The following HDAC9 variants were observed in gnomAD, a reference collection of about 807,000 sequenced individuals.
HDAC9 encodes histone deacetylase 9.
HDAC9 carries 41 observed loss-of-function variants against 139.4 expected under a neutral mutation model. The ratio of observed to expected loss-of-function variants is 0.29; its 90% CI spans 0.23 to 0.38. The LOEUF is 0.38. HDAC9 is among the 10% of genes least tolerant of loss of function. The probability of loss-of-function intolerance (pLI) is 1.00; values close to 1 mark genes in which losing one functional copy is unlikely to be tolerated. For missense variants in HDAC9, 1,147 were observed against 1,297.0 expected, an observed-to-expected ratio of 0.88 and a Z score of 1.78; for synonymous variants, 517 against 476.2, an observed-to-expected ratio of 1.09 and a Z score of -1.12.
At chr7:18,971,185 C>T (rs1784222127) in intron 24 of HDAC9, among the ~76,000 whole-genome samples, 1 of 151,812 alleles carries the variant, frequency 6.6e-6, no homozygotes, top group Non-Finnish European at 1.5e-5. Flanking sequence ...GTTACTTTTG[C>T]CAGAAAAAAA....
intron 1 of HDAC9, among the ~76,000 whole-genome samples, chr7:18,096,011 C>A (rs1430321690): frequency 6.6e-6 from 1 of 152,092 alleles, no homozygotes; most frequent in Non-Finnish European, 1.5e-5. Flanking sequence ...GATCAAAATT[C>A]CTCAAATAAT....
chr7:18,923,511 T>C (rs1803945193), intron 22 of HDAC9, among the ~76,000 whole-genome samples: 1 of 152,038 alleles, frequency 6.6e-6, no homozygotes, highest in African/African-American at 2.4e-5. Context: ...AACTCCTCTT[T>C]ATCTTTGATC....
intron 17 of HDAC9, among the ~76,000 whole-genome samples, chr7:18,795,512 G>A (rs1005395722): frequency 2.0e-5 from 3 of 152,098 alleles, no homozygotes; most frequent in Non-Finnish European, 4.4e-5. Flanking sequence ...CATCCCAAGC[G>A]GTAGATATTC....
chr7:18,968,098 G>T (rs1783998223), intron 24 of HDAC9, among the ~76,000 whole-genome samples: 1 of 152,086 alleles, frequency 6.6e-6, no homozygotes. Context: ...GGAGGCGGAG[G>T]ATGCAGAGAG....
At chr7:18,478,683 A>G (rs1032459910) in intron 1 of HDAC9, among the ~76,000 whole-genome samples, 4 of 152,190 alleles carry the variant, frequency 2.6e-5, no homozygotes, top group Admixed American at 2.6e-4. Flanking sequence ...TGCTACTTCA[A>G]ATGAAAATTT....
chr7:18,554,106 G>T (rs944384746), intron 2 of HDAC9, among the ~76,000 whole-genome samples: 7 of 152,136 alleles, frequency 4.6e-5, no homozygotes, highest in African/African-American at 1.7e-4. Flanking sequence ...ATATTTATCA[G>T]ATGTCCTCTA....
intron 2 of HDAC9, among the ~76,000 whole-genome samples, chr7:18,541,921 C>G (rs1274811659): frequency 6.6e-6 from 1 of 152,154 alleles, no homozygotes; most frequent in African/African-American, 2.4e-5. Context: ...TTCCAGACTT[C>G]CTACAGATAT....
chr7:18,606,369 T>G (rs1835500825), intron 6 of HDAC9, among the ~76,000 whole-genome samples: 1 of 152,238 alleles, frequency 6.6e-6, no homozygotes, highest in East Asian at 1.9e-4. Flanking sequence ...TTTTTCATTT[T>G]TTGAGGTGAC....
chr7:18,844,139 A>G (rs1480329676), intron 21 of HDAC9, among the ~76,000 whole-genome samples: 1 of 152,172 alleles, frequency 6.6e-6, no homozygotes, highest in East Asian at 1.9e-4. Flanking sequence ...TTCTGGCACT[A>G]TTCTAGAAGG....
chr7:18,358,665 C>T (rs1451924136), intron 1 of HDAC9, among the ~76,000 whole-genome samples: 9 of 152,118 alleles, frequency 5.9e-5, no homozygotes, highest in Non-Finnish European at 7.4e-5. Context: ...ATCTTTTAAT[C>T]GAATGCATGG....
intron 2 of HDAC9, chr7:18,509,452 T>C (rs905181393): frequency 2.0e-6 from 2 of 985,290 alleles, no homozygotes; most frequent in Non-Finnish European, 1.2e-6. Flanking sequence ...AAATGGTTAG[T>C]GGTGACTTGT....
chr7:18,374,193 A>G (rs923704903), intron 1 of HDAC9, among the ~76,000 whole-genome samples: 7 of 141,226 alleles, frequency 5.0e-5, no homozygotes, highest in African/African-American at 1.4e-4. Flanking sequence ...GTGTGTATGT[A>G]TGTGTGTATA....
chr7:18,705,719 G>T (rs1482647215), intron 12 of HDAC9, among the ~76,000 whole-genome samples: 1 of 151,698 alleles, frequency 6.6e-6, no homozygotes, highest in East Asian at 1.9e-4. Flanking sequence ...TGGGTGCAGT[G>T]GCGCGTACCT....
chr7:18,986,936 GA>G (rs1434707958), intron 25 of HDAC9, among the ~76,000 whole-genome samples: 35 of 152,324 alleles, frequency 2.3e-4, no homozygotes, highest in African/African-American at 7.9e-4. Flanking sequence ...AGACTTTGCT[GA>G]AGTTGCTTAT....
intron 2 of HDAC9, among the ~76,000 whole-genome samples, chr7:18,164,641 A>T (rs1787875916): frequency 6.6e-6 from 1 of 152,198 alleles, no homozygotes; most frequent in African/African-American, 2.4e-5. Context: ...CCATACATTA[A>T]CATCATTCTT....
chr7:18,994,978 A>G (rs961418944), intron 25 of HDAC9, among the ~76,000 whole-genome samples: 1 of 152,232 alleles, frequency 6.6e-6, no homozygotes, highest in South Asian at 2.1e-4. Context: ...TAGCAAAGGC[A>G]TAACTCTGCA....
intron 17 of HDAC9, among the ~76,000 whole-genome samples, chr7:18,800,851 A>T (rs551451932): frequency 2.6e-5 from 4 of 151,998 alleles, no homozygotes; most frequent in Non-Finnish European, 5.9e-5. Context: ...AATAATAATA[A>T]TAATAATTTC....
intron 2 of HDAC9, among the ~76,000 whole-genome samples, chr7:18,173,460 T>C (rs1167665624): frequency 1.3e-5 from 2 of 152,188 alleles, no homozygotes; most frequent in Non-Finnish European, 2.9e-5. Context: ...ACATTTAAGG[T>C]TAATATTGTT....
At chr7:18,134,398 G>C (rs924292717) in intron 1 of HDAC9, among the ~76,000 whole-genome samples, 5 of 152,110 alleles carry the variant, frequency 3.3e-5, no homozygotes, top group African/African-American at 1.2e-4. Flanking sequence ...AACTCTGATA[G>C]ATCAAGACCA....
Sources: gnomAD v4.1 joint callset for allele counts (sites outside exome capture counted in the v4.1 genomes callset) on GRCh38, gnomAD v4.1.1 for gene constraint, MANE v1.5 for transcripts, NCBI Gene and HGNC (gene_info 2026-07-23, HGNC 2026-07-21) for gene names.